AKAP9: variants seen among roughly 807,000 people sequenced by gnomAD.
AKAP9 encodes the protein A-kinase anchor protein 9.
In AKAP9, 311 loss-of-function variants were observed where a neutral mutation model predicts 488.5. That is an observed-to-expected ratio of 0.64 (90% confidence interval 0.58 to 0.70). The LOEUF (loss-of-function observed/expected upper bound fraction) is 0.70, where lower values mean the gene tolerates loss of function less well. Ranked by LOEUF, AKAP9 falls within the 30% of genes least tolerant of loss-of-function variation. The pLI, the probability that AKAP9 is intolerant of heterozygous loss-of-function variation, is 0.00. For synonymous variants in AKAP9, 1,462 were observed against 1,483.5 expected (o/e 0.99, Z 0.33); for missense variants, 4,215 against 4,374.5 (o/e 0.96, Z 1.03).
rs367825342 is a variant in AKAP9 at position 92,028,232 on chromosome 7, A to G, written c.4149-1663A>G. Reference sequence around the variant, plus strand: ...TTTATCTGCTGACCTTCTCTCCACTATTATCCTATGACCCTGCCACATCCC... The same window carrying G: ...TTTATCTGCTGACCTTCTCTCCACTGTTATCCTATGACCCTGCCACATCCC... On this transcript the variant is annotated intron_variant, in intron 14 of 49. Transcript: ENST00000356239. 2.8e-5 allele frequency among the ~76,000 whole-genome samples: 4 copies of G among 144,768 alleles called. 1 individual carries two copies. 95.0% of individuals were successfully genotyped at this position (144,768 alleles called of 152,430 possible).
Position 92,108,585 on chromosome 7 carries a change from A to G in AKAP9, c.11638A>G (p.Ile3880Val). 1 of 1,614,212 alleles carries G rather than the reference A, an allele frequency of 6.2e-7. No homozygotes were observed. Among genetic ancestry groups the G allele is most frequent in the African/African-American group, 1.3e-5 (1 of 75,054 alleles). The change falls in exon 49 of 50, where the codon ATC becomes GTC. Residue 3880 changes from isoleucine to valine, a missense_variant. Physicochemically the swap from Ile to Val is conservative, Grantham distance 29. Around this residue, in one of 5 missense-constraint regions of AKAP9, gnomAD observed 253 missense variants for 266.8 expected, o/e 0.95. Coordinates refer to ENST00000356239, the MANE Select transcript of AKAP9 (RefSeq NM_005751.5). ...TCCTGACAGAGCCCTAACAGATTATATCACTCGGCTAGAGGCACTGCAAAG... is the reference window on the plus strand; with the variant it reads ...TCCTGACAGAGCCCTAACAGATTATGTCACTCGGCTAGAGGCACTGCAAAG... ...YDPDRALTDYITRLEALQRRL... is the reference protein window; with the variant it reads ...YDPDRALTDYVTRLEALQRRL...
chr7:91,992,071 A>C, intron 3 of AKAP9, 87 bp from the exon 4 acceptor site: 1 of 1,053,886 alleles, frequency 9.5e-7, no homozygotes, highest in Non-Finnish European at 1.5e-6. Flanking sequence ...TAAAAGACAT[A>C]CACGTGAATA....
At chr7:91,943,943 C>T (rs537853490) in intron 1 of AKAP9, among the ~76,000 whole-genome samples, 2 of 152,102 alleles carry the variant, frequency 1.3e-5, no homozygotes, top group East Asian at 3.9e-4. Context: ...TTTTGCAAAC[C>T]ACAACTTACA....
intron 1 of AKAP9, among the ~76,000 whole-genome samples, chr7:91,942,346 A>G (rs1187048834): frequency 6.6e-6 from 1 of 152,234 alleles, no homozygotes; most frequent in South Asian, 2.1e-4. Context: ...TCTAAAATAT[A>G]GTTGACTTTC....
rs766291027 is a variant in AKAP9 at position 92,079,294 on chromosome 7, A to G, written c.7161A>G (p.Gln2387=). 20 of 1,613,984 alleles carry G rather than the reference A, an allele frequency of 1.2e-5. No individual in the cohort carries two copies. The highest frequency in any genetic ancestry group is 3.3e-5 in the Admixed American group (2 of 60,006). Residue 2387 remains glutamine (Q), a synonymous_variant, in exon 31 of 50, where the codon CAA becomes CAG. Coordinates refer to ENST00000356239, the MANE Select transcript of AKAP9 (RefSeq NM_005751.5). ...LSEEADSLKH[Q]LDVVIAEKLA... is the part of the protein sequence containing the mutation. ...AAGAAGCAGACAGTTTAAAACATCA[A>G]TTGGATGTGGTTATAGCTGAAAAGC... is the stretch of plus-strand genomic sequence containing the variant.
chr7:91,985,333 A>G (rs1796935135), intron 3 of AKAP9, among the ~76,000 whole-genome samples: 1 of 152,130 alleles, frequency 6.6e-6, no homozygotes. Flanking sequence ...AAGGCTGTGG[A>G]ATTTTGTTAA....
intron 23 of AKAP9, 116 bp from the exon 24 acceptor site, chr7:92,062,158 A>G: frequency 1.1e-6 from 1 of 877,822 alleles, no homozygotes; most frequent in Non-Finnish European, 1.8e-6. Context: ...GACTTTTAAT[A>G]GGTTGGAATG....
At chr7:92,102,552 G>A in intron 45 of AKAP9, 42 bp from the exon 46 acceptor site, 4 of 1,576,474 alleles carry the variant, frequency 2.5e-6, no homozygotes, top group Non-Finnish European at 3.5e-6. Flanking sequence ...CAGGGTGAAT[G>A]TTTTCTTAAT....
intron 2 of AKAP9, among the ~76,000 whole-genome samples, chr7:91,977,081 A>T (rs1266748598): frequency 6.6e-6 from 1 of 151,926 alleles, no homozygotes; most frequent in Non-Finnish European, 1.5e-5. Context: ...CAAAAAAGGG[A>T]TATTCTGTCT....
At position 92,000,826 on chromosome 7, in the gene AKAP9, A is replaced by G. The variant is rs1433068524; in HGVS notation, c.931-22A>G. 4 of 1,265,070 alleles carry G rather than the reference A, an allele frequency of 3.2e-6. No individual in the cohort carries two copies. The African/African-American group carries it at 6.1e-5, about 19-fold the overall frequency. The allele number at this position is 1,265,070 out of a possible 1,614,324, so 78.4% of individuals were successfully genotyped here. The stretch of plus-strand genomic sequence containing the variant: ...CAGAAGCTAAAAATGCCATTCTTAC[A>G]TTTTCATTTTTTTTCCTAAAGGAAC... On this transcript the variant is annotated intron_variant, in intron 7 of 49. Coordinates refer to ENST00000356239, the MANE Select transcript of AKAP9 (RefSeq NM_005751.5).
chr7:92,105,451 T>C (rs1818360822), intron 46 of AKAP9, among the ~76,000 whole-genome samples: 3 of 152,196 alleles, frequency 2.0e-5, no homozygotes, highest in Admixed American at 2.0e-4. Context: ...GCTGGCAATA[T>C]AAGAGACCTC....
chr7:92,042,529 A>G (rs991478890), intron 19 of AKAP9, 139 bp from the exon 20 acceptor site: 12 of 660,716 alleles, frequency 1.8e-5, no homozygotes, highest in Non-Finnish European at 3.1e-5. Flanking sequence ...GTAGTTAAAT[A>G]TTATACCAAC....
intron 17 of AKAP9, among the ~76,000 whole-genome samples, chr7:92,040,236 A>G (rs1805843975): frequency 6.6e-6 from 1 of 152,234 alleles, no homozygotes; most frequent in African/African-American, 2.4e-5. Flanking sequence ...GTACTGTGAT[A>G]ACCACTGTGT....
chr7:92,055,000 C>A (rs1234641114), intron 22 of AKAP9, among the ~76,000 whole-genome samples: 3 of 151,964 alleles, frequency 2.0e-5, no homozygotes, highest in African/African-American at 7.3e-5. Flanking sequence ...CAAAACCATT[C>A]TCTTCTTTGG....
At chr7:92,044,869 C>A in intron 20 of AKAP9, 139 bp from the exon 21 acceptor site, 1 of 605,464 alleles carries the variant, frequency 1.7e-6, no homozygotes, top group African/African-American at 3.3e-5. Context: ...ATTGTAGATG[C>A]TATTGGGTAT....
rs1393265631 is a variant in AKAP9, at chr7:92,099,864, G to A, written c.10891G>A (p.Asp3631Asn). 1.9e-6 allele frequency: 3 copies of A among 1,613,776 alleles called. No individual in the cohort carries two copies. The highest frequency in any genetic ancestry group is 1.1e-5 in the South Asian group (1 of 91,084). ...GTATCGACAGACAGGAGCTGGTAGAGATAATGTATGTCCATTTTTAGCATC... is the reference window on the plus strand; with the variant it reads ...GTATCGACAGACAGGAGCTGGTAGAAATAATGTATGTCCATTTTTAGCATC... The part of the protein sequence containing the change: ...RWYRQTGAGR[D>N]NSSRFSLNGG... The change falls in exon 44 of 50, where the codon GAT (aspartate) becomes AAT (asparagine). Residue 3631 changes from aspartate to asparagine, a missense_variant. Coordinates refer to ENST00000356239, the MANE Select transcript of AKAP9 (RefSeq NM_005751.5).
At chr7:91,988,288 A>C in intron 3 of AKAP9, among the ~76,000 whole-genome samples, 1 of 111,020 alleles carries the variant, frequency 9.0e-6, no homozygotes. Context: ...ACAGAGCAAG[A>C]CCCCCTCTCA....
intron 8 of AKAP9, among the ~76,000 whole-genome samples, 192 bp from the exon 9 acceptor site, chr7:92,012,237 A>G (rs1278032061): frequency 6.6e-6 from 1 of 152,240 alleles, no homozygotes; most frequent in East Asian, 1.9e-4. Context: ...AACTGAGGTA[A>G]TGAAAACATT....
intron 38 of AKAP9, chr7:92,092,843 C>T (rs1815865634): frequency 5.1e-6 from 2 of 394,192 alleles, no homozygotes; most frequent in East Asian, 1.1e-4. Context: ...GACAGAGTTT[C>T]ACCATGTTGC....
Sources: gnomAD v4.1 joint callset for allele counts (sites outside exome capture counted in the v4.1 genomes callset) on GRCh38, gnomAD v4.1.1 for gene constraint, gnomAD v4.1.1 regional missense constraint, MANE v1.5 for transcripts, NCBI Gene and HGNC (gene_info 2026-07-23, HGNC 2026-07-21) for gene names.